MMP16: variants seen among roughly 807,000 people sequenced by gnomAD.
The protein encoded by MMP16 is matrix metalloproteinase-16.
Under a neutral mutation model 67.8 loss-of-function variants are expected in MMP16, and 12 were observed. The observed-to-expected ratio is 0.18, with a 90% CI of 0.11 to 0.29. The LOEUF (loss-of-function observed/expected upper bound fraction) is 0.29, where lower values mean the gene tolerates loss of function less well. Among genes scored for constraint, MMP16 ranks in the 10% least tolerant of loss-of-function variants. The pLI is 1.00. For missense variants in MMP16, 475 were observed against 765.7 expected (o/e 0.62, Z 4.48); for synonymous variants, 249 against 255.9 (o/e 0.97, Z 0.26).
intron 8 of MMP16, among the ~76,000 whole-genome samples, chr8:88,047,193 A>T (rs1808210251): frequency 6.6e-6 from 1 of 152,220 alleles, no homozygotes; most frequent in Non-Finnish European, 1.5e-5. Flanking sequence ...TAGGAAGCAG[A>T]ACATTTTTTT....
chr8:88,266,644 T>G (rs1810481356), intron 1 of MMP16, among the ~76,000 whole-genome samples: 1 of 152,162 alleles, frequency 6.6e-6, no homozygotes, highest in Non-Finnish European at 1.5e-5. Context: ...GAGGAAATTT[T>G]CTCGTAATAG....
At chr8:88,077,635 A>C (rs1202795847) in intron 6 of MMP16, among the ~76,000 whole-genome samples, 1 of 152,206 alleles carries the variant, frequency 6.6e-6, no homozygotes, top group South Asian at 2.1e-4. Flanking sequence ...GACCTTACAC[A>C]TAATAGGTGC....
intron 1 of MMP16, among the ~76,000 whole-genome samples, chr8:88,226,734 T>C (rs1809776097): frequency 6.6e-6 from 1 of 151,966 alleles, no homozygotes; most frequent in Non-Finnish European, 1.5e-5. Flanking sequence ...GTAAGGCATG[T>C]CCGAGAGTGC....
chr8:88,140,174 G>A (rs1280990177), intron 4 of MMP16, among the ~76,000 whole-genome samples: 3 of 152,096 alleles, frequency 2.0e-5, no homozygotes. Context: ...CACAGAACTT[G>A]CAAATTGGTG....
intron 4 of MMP16, among the ~76,000 whole-genome samples, chr8:88,158,930 C>T (rs978746709): frequency 2.3e-4 from 35 of 152,170 alleles, no homozygotes; most frequent in Non-Finnish European, 4.9e-4. Context: ...GGAATCCTTT[C>T]CCCATTTCTT....
rs542240671 is a variant in MMP16 at position 88,237,035 on chromosome 8, T to A, written c.133-39729A>T. On this transcript the variant is annotated intron_variant, in intron 1 of 9. Transcript: ENST00000286614. ...TCGCTATTTCTACAGGTAAAAAAGT[T>A]AAATCTCCGCAACTGCTCAAAATCT... Among the ~76,000 whole-genome samples the A allele has an allele frequency of 2.6e-5, 4 of 152,244 alleles. No individual in the cohort carries two copies. The East Asian group carries it at 7.7e-4, about 29-fold the overall frequency.
At chr8:88,295,609 A>G (rs1289684454) in intron 1 of MMP16, among the ~76,000 whole-genome samples, 2 of 130,632 alleles carry the variant, frequency 1.5e-5, no homozygotes, top group Non-Finnish European at 3.2e-5. Context: ...TCAAGTTTCC[A>G]GAGGGGCTGA....
At chr8:88,165,120 A>T (rs982806914) in intron 4 of MMP16, among the ~76,000 whole-genome samples, 6 of 146,748 alleles carry the variant, frequency 4.1e-5, no homozygotes, top group African/African-American at 1.5e-4. Flanking sequence ...AGGTAGGAGG[A>T]TTGCTTCAGC....
At chr8:88,183,712 CTTTTTT>C (rs71277981) in intron 3 of MMP16, among the ~76,000 whole-genome samples, 2 of 92,108 alleles carry the variant, frequency 2.2e-5, no homozygotes, top group East Asian at 3.4e-4. Context: ...AAATGTCCTT[CTTTTTT>C]TTTTTTTTTT....
At chr8:88,269,572 C>T (rs969635220) in intron 1 of MMP16, among the ~76,000 whole-genome samples, 3 of 152,138 alleles carry the variant, frequency 2.0e-5, no homozygotes, top group Admixed American at 6.5e-5. Context: ...AGCTGGAATG[C>T]GTCATTACAA....
intron 3 of MMP16, among the ~76,000 whole-genome samples, chr8:88,169,101 A>G (rs1808760875): frequency 2.0e-5 from 3 of 152,198 alleles, no homozygotes; most frequent in Admixed American, 2.0e-4. Flanking sequence ...AACTGAAACA[A>G]TTTAAAATGA....
intron 6 of MMP16, among the ~76,000 whole-genome samples, chr8:88,080,273 C>T (rs912677318): frequency 2.0e-5 from 3 of 152,012 alleles, no homozygotes; most frequent in African/African-American, 4.8e-5. Flanking sequence ...TGAGATTGTT[C>T]AAAACAAGGT....
chr8:88,216,825 CAA>C (rs753722116), intron 1 of MMP16, among the ~76,000 whole-genome samples: 5 of 152,084 alleles, frequency 3.3e-5, no homozygotes, highest in Non-Finnish European at 7.4e-5. Flanking sequence ...GTGGTATCTG[CAA>C]AGTTTCTCCA....
chr8:88,049,739 T>C (rs1554574140), intron 8 of MMP16, among the ~76,000 whole-genome samples: 1 of 152,188 alleles, frequency 6.6e-6, no homozygotes, highest in Non-Finnish European at 1.5e-5. Flanking sequence ...AAATTTGGAC[T>C]AGGGCCAGGT....
rs73282661 is a variant in MMP16, at chr8:88,281,085, T to A, written c.132+45990A>T. On this transcript the variant is annotated intron_variant, in intron 1 of 9. Coordinates refer to ENST00000286614, the MANE Select transcript of MMP16 (RefSeq NM_005941.5). ...AAGTCATAAACACAGCAAAGCAGAG[T>A]ACAAGACTTGTATCAAGGACAAGTC... Among the ~76,000 whole-genome samples the A allele has an allele frequency of 2.9e-3, 448 of 152,232 alleles. 1 individual carries two copies. The highest frequency in any genetic ancestry group is 0.011 in the African/African-American group (440 of 41,546).
chr8:88,233,443 C>A (rs1216839754), intron 1 of MMP16, among the ~76,000 whole-genome samples: 1 of 152,150 alleles, frequency 6.6e-6, no homozygotes, highest in African/African-American at 2.4e-5. Context: ...ATGTCCTACC[C>A]ATAGGAGATA....
At chr8:88,175,889 G>C (rs1283118146) in intron 3 of MMP16, among the ~76,000 whole-genome samples, 1 of 152,106 alleles carries the variant, frequency 6.6e-6, no homozygotes, top group African/African-American at 2.4e-5. Flanking sequence ...ATTTTATAAA[G>C]AGCACAAGCT....
chr8:88,091,161 C>T (rs763111682), intron 6 of MMP16, among the ~76,000 whole-genome samples: 2 of 151,760 alleles, frequency 1.3e-5, no homozygotes, highest in Non-Finnish European at 2.9e-5. Flanking sequence ...AGATTTTCTC[C>T]TACTCCCAAA....
At chr8:88,119,369 A>G (rs771804835) in intron 4 of MMP16, among the ~76,000 whole-genome samples, 1 of 152,058 alleles carries the variant, frequency 6.6e-6, no homozygotes, top group Non-Finnish European at 1.5e-5. Flanking sequence ...TTTGACTCCT[A>G]GACTAAAGCT....
Sources: gnomAD v4.1 joint callset for allele counts (sites outside exome capture counted in the v4.1 genomes callset) on GRCh38, gnomAD v4.1.1 for gene constraint, MANE v1.5 for transcripts, NCBI Gene and HGNC (gene_info 2026-07-23, HGNC 2026-07-21) for gene names.